Variants in RARB observed in about 807,000 individuals in gnomAD.
RARB encodes HBV-activated protein.
In RARB, 17 loss-of-function variants were observed where a neutral mutation model predicts 51.9. That is an observed-to-expected ratio of 0.33 (90% confidence interval 0.22 to 0.49). The LOEUF is 0.49. Ranked by LOEUF, RARB falls within the 20% of genes least tolerant of loss-of-function variation. The pLI is 0.99. For synonymous variants in RARB, 215 were observed against 195.4 expected, an observed-to-expected ratio of 1.10 and a Z score of -0.84; for missense variants, 369 against 550.8, an observed-to-expected ratio of 0.67 and a Z score of 3.30.
chr3:25,330,318 G>A (rs562473242), intron 5 of RARB, among the ~76,000 whole-genome samples: 13 of 152,140 alleles, frequency 8.5e-5, no homozygotes, highest in South Asian at 2.1e-4. Context: ...CGGATCTCTC[G>A]GCAGACACTC....
intron 2 of RARB, among the ~76,000 whole-genome samples, chr3:24,979,739 T>G (rs1040637937): frequency 1.4e-4 from 21 of 152,328 alleles, no homozygotes; most frequent in African/African-American, 5.1e-4. Context: ...TTTGCCAGCC[T>G]GTGTCTTTTA....
chr3:24,976,839 C>A (rs974391391), intron 2 of RARB, among the ~76,000 whole-genome samples: 8 of 152,116 alleles, frequency 5.3e-5, no homozygotes, highest in Non-Finnish European at 1.2e-4. Flanking sequence ...CTTGCCCATG[C>A]CTATGTCCTG....
intron 5 of RARB, among the ~76,000 whole-genome samples, chr3:25,278,630 A>G (rs947406164): frequency 6.6e-6 from 1 of 152,232 alleles, no homozygotes; most frequent in Non-Finnish European, 1.5e-5. Context: ...GATACCTTGA[A>G]CTGGTCATCT....
intron 2 of RARB, among the ~76,000 whole-genome samples, chr3:24,954,074 T>TC (rs1287152891): frequency 6.6e-6 from 1 of 152,214 alleles, no homozygotes; most frequent in African/African-American, 2.4e-5. Context: ...CTATTCTTTT[T>TC]CCCATATGTG....
intron 2 of RARB, among the ~76,000 whole-genome samples, chr3:25,464,295 TAGTC>T (rs1359200502): frequency 1.3e-5 from 2 of 152,328 alleles, no homozygotes; most frequent in South Asian, 2.1e-4. Flanking sequence ...AATCAGCTCA[TAGTC>T]AGTGAGTTCT....
At chr3:25,202,999 T>G (rs1384256871) in intron 5 of RARB, among the ~76,000 whole-genome samples, 1 of 152,220 alleles carries the variant, frequency 6.6e-6, no homozygotes, top group African/African-American at 2.4e-5. Context: ...TTGTTAACTT[T>G]CTGTCTCATT....
At chr3:24,971,653 T>C (rs1176870087) in intron 2 of RARB, among the ~76,000 whole-genome samples, 1 of 152,064 alleles carries the variant, frequency 6.6e-6, no homozygotes, top group African/African-American at 2.4e-5. Flanking sequence ...TAAAAAGGAC[T>C]GACAAAGGAG....
At chr3:25,520,670 A>G (rs950018914) in intron 3 of RARB, among the ~76,000 whole-genome samples, 1 of 152,210 alleles carries the variant, frequency 6.6e-6, no homozygotes, top group African/African-American at 2.4e-5. Context: ...AAGTGGTGAC[A>G]CTAGCGTTGG....
chr3:24,912,072 C>G (rs142420734), intron 2 of RARB, among the ~76,000 whole-genome samples: 17 of 152,308 alleles, frequency 1.1e-4, no homozygotes, highest in African/African-American at 3.4e-4. Flanking sequence ...CACATGGTCG[C>G]TAAACAAATA....
chr3:25,257,403 A>C (rs1702892440), intron 5 of RARB, among the ~76,000 whole-genome samples: 1 of 152,012 alleles, frequency 6.6e-6, no homozygotes, highest in Admixed American at 6.6e-5. Context: ...AAGAGGAGAT[A>C]CTCATAGAGA....
Position 25,389,885 on chromosome 3 carries a change from A to G in RARB, c.179-71308A>G, listed in dbSNP as rs145774260. ...CTAAAAGAAAGGGTAATAATATTTG[A>G]GTCTTGAACAAAAGTCAACCAAATG... On this transcript the variant is annotated intron_variant, in intron 5 of 11. Coordinates refer to the RARB transcript ENST00000383772. 2.8e-3 allele frequency among the ~76,000 whole-genome samples: 434 copies of G among 152,316 alleles called. 4 individuals are homozygous for G. The highest frequency in any genetic ancestry group is 9.8e-3 in the African/African-American group (407 of 41,572).
intron 2 of RARB, among the ~76,000 whole-genome samples, chr3:25,466,663 A>G (rs1020543537): frequency 6.6e-6 from 1 of 151,954 alleles, no homozygotes; most frequent in East Asian, 1.9e-4. Flanking sequence ...AGACCCTACT[A>G]CTCCATGGAG....
intron 3 of RARB, among the ~76,000 whole-genome samples, chr3:25,565,412 G>T: frequency 6.6e-6 from 1 of 151,960 alleles, no homozygotes; most frequent in Non-Finnish European, 1.5e-5. Context: ...ATTAATTGCA[G>T]TACATGTAAT....
At chr3:25,589,572 G>A (rs1450347922) in intron 5 of RARB, among the ~76,000 whole-genome samples, 2 of 152,326 alleles carry the variant, frequency 1.3e-5, no homozygotes, top group Middle Eastern at 3.4e-3. Flanking sequence ...CAAGTCCCTG[G>A]CTCTGCCTCT....
At chr3:24,923,765 G>A (rs1695264481) in intron 2 of RARB, among the ~76,000 whole-genome samples, 1 of 152,130 alleles carries the variant, frequency 6.6e-6, no homozygotes, top group African/African-American at 2.4e-5. Flanking sequence ...CTAGAGTTTA[G>A]TAGCTTATGA....
Position 25,472,990 on chromosome 3 carries a change from C to A in RARB, c.306+11649C>A, listed in dbSNP as rs564562367. ...GGAAACAGATCACTCCATGGAACAC[C>A]AGATGAAACAGTTGTTTTCTGTTCT... On this transcript the variant is annotated intron_variant, in intron 2 of 7. Transcript: ENST00000330688. Among the ~76,000 whole-genome samples the A allele has an allele frequency of 1.3e-3, 205 of 152,270 alleles. 1 individual carries two copies. Among genetic ancestry groups the A allele is most frequent in the South Asian group, 7.7e-3 (37 of 4,822 alleles).
At chr3:25,123,861 C>T (rs1699822743) in intron 3 of RARB, among the ~76,000 whole-genome samples, 1 of 152,174 alleles carries the variant, frequency 6.6e-6, no homozygotes, top group African/African-American at 2.4e-5. Flanking sequence ...GGGAGAAGCT[C>T]ATTTCCTGTT....
At chr3:24,946,653 G>A (rs1695781902) in intron 2 of RARB, among the ~76,000 whole-genome samples, 1 of 152,104 alleles carries the variant, frequency 6.6e-6, no homozygotes, top group Non-Finnish European at 1.5e-5. Flanking sequence ...AGGATTACTT[G>A]AGCCCAGGAA....
intron 3 of RARB, among the ~76,000 whole-genome samples, chr3:25,116,112 A>G (rs1699683578): frequency 6.6e-6 from 1 of 152,216 alleles, no homozygotes; most frequent in South Asian, 2.1e-4. Flanking sequence ...GTATTCTACC[A>G]GTTCATTTTC....
Sources: allele counts gnomAD v4.1 joint callset (sites outside exome capture counted in the v4.1 genomes callset), GRCh38; gene constraint gnomAD v4.1.1; transcripts MANE v1.5; gene names NCBI Gene and HGNC (gene_info 2026-07-23, HGNC 2026-07-21).